Variants in ZDHHC22 observed in about 807,000 individuals in gnomAD.
ZDHHC22 encodes the protein zDHHC palmitoyltransferase 22, also known as palmitoyltransferase ZDHHC22.
In ZDHHC22, 13 loss-of-function variants were observed where a neutral mutation model predicts 17.0. The ratio of observed to expected loss-of-function variants is 0.76; its 90% CI spans 0.50 to 1.21. The LOEUF is 1.21. Among genes scored for constraint, ZDHHC22 ranks in the 50% most tolerant of loss-of-function variants. ZDHHC22 has a pLI of 0.00. For synonymous variants in ZDHHC22, 138 were observed against 154.7 expected, an observed-to-expected ratio of 0.89 and a Z score of 0.80; for missense variants, 319 against 342.3, an observed-to-expected ratio of 0.93 and a Z score of 0.54.
At chr14:77,138,356 A>G (rs992859184) in intron 2 of ZDHHC22, among the ~76,000 whole-genome samples, 2 of 152,156 alleles carry the variant, frequency 1.3e-5, no homozygotes, top group African/African-American at 4.8e-5. Flanking sequence ...TCAAGAGTTC[A>G]AGGCCCGCCT....
intron 1 of ZDHHC22, 51 bp from the exon 2 acceptor site, chr14:77,139,803 G>A: frequency 2.8e-6 from 4 of 1,436,728 alleles, no homozygotes; most frequent in South Asian, 1.5e-5. Context: ...CGTCCAGGGG[G>A]CGCCCTCGCC....
At chr14:77,134,608 A>G (rs569882717) in intron 2 of ZDHHC22, among the ~76,000 whole-genome samples, 2 of 152,314 alleles carry the variant, frequency 1.3e-5, no homozygotes, top group Non-Finnish European at 2.9e-5. Context: ...TGGTTCTGTC[A>G]ATCAAAGCTT....
chr14:77,139,885 C>G, intron 1 of ZDHHC22, 133 bp from the exon 2 acceptor site: 1 of 977,726 alleles, frequency 1.0e-6, no homozygotes, highest in East Asian at 2.8e-5. Flanking sequence ...CCGCGGATTT[C>G]CCCTCCCCAG....
chr14:77,139,247 C>T lies in ZDHHC22; in HGVS notation c.492G>A (p.Thr164=). The T allele has an allele frequency of 6.3e-7, 1 of 1,590,250 alleles. No individual in the cohort carries two copies. Residue 164 remains threonine, a synonymous_variant, in exon 2 of 3, where the codon ACG becomes ACA. Coordinates refer to ENST00000319374, the MANE Select transcript of ZDHHC22 (RefSeq NM_174976.2). ...ACTGGCTGATGGAGGTGGGCAGGAG[C>T]GTGAGGAAGGCCAAGGGGTGGGCGA... The part of the protein sequence containing the change: ...ISFAHPLAFL[T]LLPTSISQFF...
At position 77,139,267 on chromosome 14, in the gene ZDHHC22, G is replaced by T. The variant is rs1367526978; in HGVS notation, c.472C>A (p.His158Asn). 3 of 1,595,060 alleles carry T rather than the reference G, an allele frequency of 1.9e-6. No homozygotes were observed. Among genetic ancestry groups the T allele is most frequent in the Non-Finnish European group, 2.6e-6 (3 of 1,171,092 alleles). ...ISAVLSISFA[H>N]PLAFLTLLPT... ...AGGAGCGTGAGGAAGGCCAAGGGGTGGGCGAAGGAGATGGAAAGGACAGCG... is the reference window on the plus strand; with the variant it reads ...AGGAGCGTGAGGAAGGCCAAGGGGTTGGCGAAGGAGATGGAAAGGACAGCG... The change falls in exon 2 of 3, where the codon CAC becomes AAC. Residue 158 changes from histidine (H) to asparagine (N), a missense_variant. Physicochemically the swap from His to Asn is moderately conservative, Grantham distance 68. Coordinates refer to ENST00000319374, the MANE Select transcript of ZDHHC22 (RefSeq NM_174976.2).
At chr14:77,142,244 C>T (rs1887270259), upstream of ZDHHC22, 1 of 152,272 alleles carries the variant, frequency 6.6e-6, no homozygotes, top group Non-Finnish European at 1.5e-5. Context: ...CCAGTTTCTT[C>T]GTCTGTAAAT....
At position 77,140,997 on chromosome 14, in the gene ZDHHC22, C is replaced by T. The variant is rs1887242568; in HGVS notation, c.-15+606G>A. ...GCCACGGGGCCTCCGTCCAGGCTGTCCCGTCCGCACGGGTCGACTGGTCAC... is the reference window on the plus strand; with the variant it reads ...GCCACGGGGCCTCCGTCCAGGCTGTTCCGTCCGCACGGGTCGACTGGTCAC... On this transcript the variant is annotated intron_variant, in intron 1 of 2. Coordinates refer to ENST00000319374, the MANE Select transcript of ZDHHC22 (RefSeq NM_174976.2). This position sits in a 1 kb window ranked among gnomAD's most constrained non-coding sequence, Gnocchi z 5.9. 6.6e-6 allele frequency: 1 copy of T among 152,418 alleles called. No individual in the cohort carries two copies. The highest frequency in any genetic ancestry group is 2.1e-4 in the South Asian group (1 of 4,834). The allele number at this position is 152,418 out of a possible 1,614,324, so 9.4% of individuals were successfully genotyped here.
At chr14:77,134,738 C>T (rs913520042) in intron 2 of ZDHHC22, among the ~76,000 whole-genome samples, 2 of 152,180 alleles carry the variant, frequency 1.3e-5, no homozygotes, top group South Asian at 4.1e-4. Flanking sequence ...AGAGCTCCCA[C>T]ACTCTTCCTC....
At position 77,132,110 on chromosome 14, in the gene ZDHHC22, G is replaced by C. The variant is rs896363763; in HGVS notation, c.*1573C>G. ...TTGGCTTTGGGACCCAGTCAGGAGG[G>C]GGCACTTGTGTTGTCCCTACTCCCT... On this transcript the variant is annotated 3_prime_UTR_variant, in exon 3 of 3. Transcript: ENST00000319374. The C allele has an allele frequency of 6.6e-6, 1 of 152,220 alleles. No homozygotes were observed. Among genetic ancestry groups the C allele is most frequent in the Non-Finnish European group, 1.5e-5 (1 of 68,060 alleles). 9.4% of individuals were successfully genotyped at this position (152,220 alleles called of 1,614,324 possible). A position where few individuals can be genotyped will look rare whatever the true frequency, so the allele number is the denominator to read the frequency against.
intron 1 of ZDHHC22, 47 bp from the exon 2 acceptor site, chr14:77,139,799 G>C: frequency 6.9e-7 from 1 of 1,439,384 alleles, no homozygotes; most frequent in Non-Finnish European, 9.2e-7. Context: ...ACGGCGTCCA[G>C]GGGGCGCCCT....
chr14:77,137,707 C>T (rs1478976090), intron 2 of ZDHHC22, among the ~76,000 whole-genome samples: 1 of 152,186 alleles, frequency 6.6e-6, no homozygotes, highest in African/African-American at 2.4e-5. Flanking sequence ...GTTCCCACTG[C>T]CAAATGGCAT....
intron 2 of ZDHHC22, among the ~76,000 whole-genome samples, 195 bp from the exon 3 acceptor site, chr14:77,134,143 G>A (rs1887091263): frequency 6.6e-6 from 1 of 152,204 alleles, no homozygotes; most frequent in Admixed American, 6.5e-5. Flanking sequence ...TTTTCTTGGC[G>A]CGGATGGCAC....
At position 77,139,261 on chromosome 14, in the gene ZDHHC22, A is replaced by AG; in HGVS notation, c.477dup (p.Ala161GlyfsTer22). 1 of 1,594,828 alleles carries AG rather than the reference A, an allele frequency of 6.3e-7. No individual in the cohort carries two copies. The highest frequency in any genetic ancestry group is 8.5e-7 in the Non-Finnish European group (1 of 1,170,906). The stretch of plus-strand genomic sequence containing the variant: ...GTGGGCAGGAGCGTGAGGAAGGCCA[A>AG]GGGGTGGGCGAAGGAGATGGAAAGG... On this transcript the variant is annotated frameshift_variant, in exon 2 of 3. Coordinates refer to ENST00000319374, the MANE Select transcript of ZDHHC22 (RefSeq NM_174976.2). LOFTEE classifies it high-confidence loss of function.
intron 2 of ZDHHC22, 28 bp from the exon 3 acceptor site, chr14:77,133,976 A>G (rs367757376): frequency 4.2e-5 from 65 of 1,531,818 alleles, no homozygotes; most frequent in Non-Finnish European, 5.6e-5. Flanking sequence ...GGGAAACACC[A>G]GAGCCGCTTT....
chr14:77,139,804 C>T (rs1887215928), intron 1 of ZDHHC22, 52 bp from the exon 2 acceptor site: 7 of 1,433,994 alleles, frequency 4.9e-6, no homozygotes, highest in Non-Finnish European at 6.4e-6. Flanking sequence ...GTCCAGGGGG[C>T]GCCCTCGCCC....
chr14:77,135,134 C>T (rs990344943), intron 2 of ZDHHC22, among the ~76,000 whole-genome samples: 23 of 150,222 alleles, frequency 1.5e-4, no homozygotes, highest in Non-Finnish European at 2.1e-4. Context: ...GGAGTTAATT[C>T]GAAAGTATTC....
Position 77,133,959 on chromosome 14 carries a change from C to A in ZDHHC22, c.527-11G>T, listed in dbSNP as rs555619021. The A allele has an allele frequency of 1.3e-6, 2 of 1,551,330 alleles. No homozygotes were observed. The highest frequency in any genetic ancestry group is 1.7e-6 in the Non-Finnish European group (2 of 1,148,904). On this transcript the variant is annotated splice_polypyrimidine_tract_variant and intron_variant, in intron 2 of 2. Coordinates refer to ENST00000319374, the MANE Select transcript of ZDHHC22 (RefSeq NM_174976.2). ...AACCCAGGACAGCTCCTGCAGGGCA[C>A]GGGGAGGGGAAACACCAGAGCCGCT...
At chr14:77,134,792 T>A (rs1887104185) in intron 2 of ZDHHC22, among the ~76,000 whole-genome samples, 1 of 152,228 alleles carries the variant, frequency 6.6e-6, no homozygotes, top group Admixed American at 6.5e-5. Context: ...ATCTCCCAGC[T>A]GTGTGGACTG....
rs75688671 is a variant in ZDHHC22, at chr14:77,133,422, G to A, written c.*261C>T. 3.2e-3 allele frequency: 1,493 copies of A among 461,162 alleles called. 29 individuals are homozygous for A. The highest frequency in any genetic ancestry group is 0.027 in the African/African-American group (1,367 of 51,326). The allele number at this position is 461,162 out of a possible 1,614,324, so 28.6% of individuals were successfully genotyped here. A position where few individuals can be genotyped will look rare whatever the true frequency, so the allele number is the denominator to read the frequency against. ...GGGAAAGCAGGGATCCCAAGGGGAC[G>A]GAAAGAAAGCAGAGGCAGCCTAACA... On this transcript the variant is annotated 3_prime_UTR_variant, in exon 3 of 3. Transcript: ENST00000319374.
Sources: allele counts gnomAD v4.1 joint callset (sites outside exome capture counted in the v4.1 genomes callset), GRCh38; gene constraint gnomAD v4.1.1; non-coding constraint Gnocchi (gnomAD v3.1); transcripts MANE v1.5; gene names NCBI Gene and HGNC (gene_info 2026-07-23, HGNC 2026-07-21).